MAML3: variants seen among roughly 807,000 people sequenced by gnomAD.
The protein encoded by MAML3 is mastermind like transcriptional coactivator 3, also known as mastermind-like protein 3.
In MAML3, 27 loss-of-function variants were observed where a neutral mutation model predicts 101.9. The observed-to-expected ratio is 0.27, with a 90% CI of 0.20 to 0.37. The LOEUF is 0.37. Ranked by LOEUF, MAML3 falls within the 10% of genes least tolerant of loss-of-function variation. MAML3 has a pLI of 1.00. For synonymous variants in MAML3, 501 were observed against 555.9 expected, an observed-to-expected ratio of 0.90 and a Z score of 1.39; for missense variants, 1,316 against 1,444.9, an observed-to-expected ratio of 0.91 and a Z score of 1.45.
At chr4:139,921,014 C>T (rs2111234247) in intron 1 of MAML3, among the ~76,000 whole-genome samples, 1 of 152,324 alleles carries the variant, frequency 6.6e-6, no homozygotes, top group Middle Eastern at 3.4e-3. Flanking sequence ...CGCAGTCTCA[C>T]CAAATCCCAC....
At chr4:139,855,960 C>T (rs1351790841) in intron 2 of MAML3, among the ~76,000 whole-genome samples, 2 of 152,244 alleles carry the variant, frequency 1.3e-5, no homozygotes, top group Non-Finnish European at 2.9e-5. Flanking sequence ...GGATCCCACT[C>T]CTTCTGCTAT....
chr4:140,139,510 G>A (rs893515081), intron 1 of MAML3, among the ~76,000 whole-genome samples: 3 of 152,114 alleles, frequency 2.0e-5, no homozygotes, highest in African/African-American at 7.2e-5. Flanking sequence ...GGGAAACAAA[G>A]CAAGACCCTA....
intron 1 of MAML3, among the ~76,000 whole-genome samples, chr4:140,082,800 G>A (rs1393378096): frequency 6.6e-6 from 1 of 151,632 alleles, no homozygotes; most frequent in Non-Finnish European, 1.5e-5. Context: ...CCCGAAGTTG[G>A]AGACCACTGT....
intron 1 of MAML3, among the ~76,000 whole-genome samples, chr4:139,981,241 C>T (rs984072485): frequency 4.6e-5 from 7 of 152,178 alleles, no homozygotes; most frequent in Non-Finnish European, 7.4e-5. Context: ...ACAGACACCC[C>T]GGTGTTTCTT....
intron 1 of MAML3, among the ~76,000 whole-genome samples, chr4:139,942,359 G>A (rs1002537909): frequency 2.6e-5 from 4 of 152,170 alleles, no homozygotes; most frequent in Non-Finnish European, 1.5e-5. Context: ...GATGAACACA[G>A]GGTAGACAGA....
At chr4:139,876,617 C>T (rs1732120297) in intron 2 of MAML3, among the ~76,000 whole-genome samples, 1 of 152,244 alleles carries the variant, frequency 6.6e-6, no homozygotes, top group Non-Finnish European at 1.5e-5. Context: ...CTCTGTGGCA[C>T]ATGTAACTCA....
chr4:139,900,865 G>A (rs910534054), intron 1 of MAML3, among the ~76,000 whole-genome samples: 1 of 152,298 alleles, frequency 6.6e-6, no homozygotes, highest in African/African-American at 2.4e-5. Flanking sequence ...CAGGCATTGA[G>A]CTAAGTGCTT....
intron 1 of MAML3, among the ~76,000 whole-genome samples, chr4:140,146,993 C>T (rs1226414386): frequency 6.6e-6 from 1 of 151,782 alleles, no homozygotes; most frequent in East Asian, 1.9e-4. Context: ...ATTAGCCAGG[C>T]GTGGTGGTAC....
At chr4:139,778,772 C>A (rs1730140189) in intron 2 of MAML3, among the ~76,000 whole-genome samples, 1 of 152,040 alleles carries the variant, frequency 6.6e-6, no homozygotes. Flanking sequence ...ATCACGAGGT[C>A]AAGAGACGGA....
intron 2 of MAML3, among the ~76,000 whole-genome samples, chr4:139,852,403 G>GTTTTTTTTTTTTGTTGTTGTTT (rs1731572846): frequency 1.5e-5 from 1 of 68,326 alleles, no homozygotes; most frequent in African/African-American, 6.7e-5. Flanking sequence ...TCAGAAGACT[G>GTTTTTTTTTTTTGTTGTTGTTT]TTTTTTTTTT....
At chr4:139,812,428 C>T (rs1429685469) in intron 2 of MAML3, among the ~76,000 whole-genome samples, 1 of 152,148 alleles carries the variant, frequency 6.6e-6, no homozygotes, top group East Asian at 1.9e-4. Flanking sequence ...CCTACTTTTC[C>T]CTCTCCACCC....
At position 139,890,298 on chromosome 4, in the gene MAML3, A is replaced by C. The variant is rs1226697700; in HGVS notation, c.1138T>G (p.Ser380Ala). The change falls in exon 2 of 5, where the codon TCT (serine) becomes GCT (alanine). Residue 380 changes from serine to alanine, a missense_variant. Transcript: ENST00000509479. The surrounding 1 kb of genome is among the most constrained non-coding windows in gnomAD (Gnocchi z 4.1). The part of the protein sequence containing the change: ...SMGSPQARPS[S>A]SGPPFSTVST... ...ACAGTAGAAAAGGGAGGACCAGAAG[A>C]AGAAGGCCTCGCCTGGGGAGATCCC... 6.2e-7 allele frequency: 1 copy of C among 1,613,750 alleles called. No homozygotes were observed. The highest frequency in any genetic ancestry group is 8.5e-7 in the Non-Finnish European group (1 of 1,179,778).
intron 2 of MAML3, among the ~76,000 whole-genome samples, chr4:139,806,456 T>C (rs1262591519): frequency 1.3e-5 from 2 of 152,114 alleles, no homozygotes; most frequent in Non-Finnish European, 2.9e-5. Flanking sequence ...AAAATTAAAA[T>C]AACAATTCCT....
intron 1 of MAML3, among the ~76,000 whole-genome samples, chr4:140,052,416 C>G (rs1727283007): frequency 6.6e-6 from 1 of 152,114 alleles, no homozygotes; most frequent in Non-Finnish European, 1.5e-5. Context: ...GTGGGGTGTG[C>G]AAAGTGTAAT....
At chr4:139,808,719 T>C (rs10010516) in intron 2 of MAML3, among the ~76,000 whole-genome samples, 2,515 of 152,292 alleles carry the variant, frequency 0.017, 75 homozygotes, top group African/African-American at 0.057. Flanking sequence ...TCCCAAACTG[T>C]ACTCAGAATA....
At chr4:139,795,099 G>A (rs1730487536) in intron 2 of MAML3, among the ~76,000 whole-genome samples, 1 of 152,172 alleles carries the variant, frequency 6.6e-6, no homozygotes, top group South Asian at 2.1e-4. Flanking sequence ...CAGCTGAAGC[G>A]ATGGAAGATT....
intron 1 of MAML3, among the ~76,000 whole-genome samples, chr4:140,040,324 G>A (rs1302848901): frequency 6.6e-6 from 1 of 152,190 alleles, no homozygotes; most frequent in Non-Finnish European, 1.5e-5. Context: ...CGTGAACTCC[G>A]GGACACATCT....
intron 1 of MAML3, among the ~76,000 whole-genome samples, chr4:140,083,036 CA>C (rs1346663677): frequency 2.0e-5 from 3 of 152,172 alleles, no homozygotes; most frequent in Admixed American, 6.5e-5. Flanking sequence ...TAGTGCTTAA[CA>C]GTTTACTCTG....
intron 1 of MAML3, among the ~76,000 whole-genome samples, chr4:140,022,549 A>G (rs941761891): frequency 2.0e-5 from 3 of 152,216 alleles, no homozygotes; most frequent in Non-Finnish European, 4.4e-5. Flanking sequence ...GCCAAAAGTG[A>G]ATATTAATAA....
Sources: gnomAD v4.1 joint callset for allele counts (sites outside exome capture counted in the v4.1 genomes callset) on GRCh38, gnomAD v4.1.1 for gene constraint, Gnocchi (gnomAD v3.1) non-coding constraint, MANE v1.5 for transcripts, NCBI Gene and HGNC (gene_info 2026-07-23, HGNC 2026-07-21) for gene names.